Variants in TNNI3K observed in about 807,000 individuals in gnomAD.
The protein encoded by TNNI3K is TNNI3 interacting kinase, also known as serine/threonine-protein kinase TNNI3K.
In TNNI3K, 140 loss-of-function variants were observed where a neutral mutation model predicts 114.5. That is an observed-to-expected ratio of 1.22 (90% CI 1.07 to 1.41). The LOEUF is 1.41. Ranked by LOEUF, TNNI3K falls within the 40% of genes most tolerant of loss-of-function variation. TNNI3K has a pLI of 0.00. For missense variants in TNNI3K, 1,125 were observed against 1,007.6 expected, an observed-to-expected ratio of 1.12 and a Z score of -1.58; for synonymous variants, 347 against 347.5, an observed-to-expected ratio of 1.00 and a Z score of 0.02.
chr1:74,375,930 AC>A (rs2100536377), intron 17 of TNNI3K: 1 of 186,124 alleles, frequency 5.4e-6, no homozygotes, highest in South Asian at 1.1e-4. Context: ...TCTCATACAT[AC>A]AGAGGTTTTT....
intron 20 of TNNI3K, among the ~76,000 whole-genome samples, chr1:74,451,257 G>A (rs1414362613): frequency 6.6e-6 from 1 of 152,046 alleles, no homozygotes; most frequent in Admixed American, 6.6e-5. Context: ...GGAAGGCAGG[G>A]GGAGGGAGAG....
intron 2 of TNNI3K, 97 bp downstream of exon 2, chr1:74,236,307 C>A: frequency 1.0e-6 from 1 of 999,336 alleles, no homozygotes; most frequent in Non-Finnish European, 1.5e-6. Context: ...CGTAGAACCT[C>A]AGACATAAGC....
At chr1:74,472,391 CTT>C (rs1323302794) in intron 21 of TNNI3K, among the ~76,000 whole-genome samples, 1 of 152,142 alleles carries the variant, frequency 6.6e-6, no homozygotes, top group African/African-American at 2.4e-5. Flanking sequence ...CAATGACACT[CTT>C]TATGGTCACA....
intron 5 of TNNI3K, among the ~76,000 whole-genome samples, chr1:74,285,480 G>C (rs1422034097): frequency 6.6e-6 from 1 of 152,084 alleles, no homozygotes; most frequent in Non-Finnish European, 1.5e-5. Flanking sequence ...TCATGAAACT[G>C]TTGGATCCAT....
chr1:74,498,498 A>G (rs187776943), intron 23 of TNNI3K, among the ~76,000 whole-genome samples: 1 of 152,288 alleles, frequency 6.6e-6, no homozygotes. Flanking sequence ...GGTGCCTACA[A>G]TATCTCATTT....
intron 20 of TNNI3K, among the ~76,000 whole-genome samples, chr1:74,452,595 C>A (rs926917149): frequency 6.6e-6 from 1 of 152,148 alleles, no homozygotes. Context: ...TAAATAGTAT[C>A]CTGCCTTCAG....
At chr1:74,531,857 T>A (rs1473685885) in intron 23 of TNNI3K, among the ~76,000 whole-genome samples, 2 of 152,178 alleles carry the variant, frequency 1.3e-5, no homozygotes, top group Admixed American at 1.3e-4. Context: ...ATAGGTAACA[T>A]TGTTATGACA....
chr1:74,485,758 C>T (rs1233984830), intron 21 of TNNI3K, among the ~76,000 whole-genome samples: 6 of 152,146 alleles, frequency 3.9e-5, no homozygotes, highest in Non-Finnish European at 7.3e-5. Flanking sequence ...AGCAAATAGC[C>T]ATGTTGTGAA....
chr1:74,434,308 A>G (rs1482220077), intron 17 of TNNI3K, among the ~76,000 whole-genome samples: 1 of 151,994 alleles, frequency 6.6e-6, no homozygotes, highest in Non-Finnish European at 1.5e-5. Context: ...TTCCTATTGC[A>G]TACTACACAC....
At chr1:74,391,400 G>A (rs191440584) in intron 17 of TNNI3K, among the ~76,000 whole-genome samples, 267 of 152,126 alleles carry the variant, frequency 1.8e-3, no homozygotes, top group African/African-American at 5.9e-3. Context: ...CAATGGATTT[G>A]GTGGGTTTTG....
At chr1:74,491,482 C>T (rs143888622) in intron 22 of TNNI3K, among the ~76,000 whole-genome samples, 10 of 152,178 alleles carry the variant, frequency 6.6e-5, no homozygotes, top group East Asian at 3.9e-4. Context: ...CCTCATGATC[C>T]GCTCACCTCA....
chr1:74,408,992 CA>C (rs34316748), intron 17 of TNNI3K, among the ~76,000 whole-genome samples: 27,910 of 134,142 alleles, frequency 0.21, 3,660 homozygotes, highest in African/African-American at 0.41. Flanking sequence ...CTCCATATAA[CA>C]AAAAAAAAAA....
Position 74,279,779 on chromosome 1 carries a change from G to A in TNNI3K, c.444+8071G>A, listed in dbSNP as rs142632645. 1.2e-4 allele frequency among the ~76,000 whole-genome samples: 19 copies of A among 152,180 alleles called. No individual in the cohort carries two copies. The East Asian group carries it at 3.7e-3, about 29-fold the overall frequency. On this transcript the variant is annotated intron_variant, in intron 5 of 24. Transcript: ENST00000326637. ...TATGCCTAGTACTTCACACATTGTG[G>A]GTGCTCTAAATGTATGTTATCTCTC...
At chr1:74,448,495 C>T (rs1666815654) in intron 20 of TNNI3K, among the ~76,000 whole-genome samples, 1 of 145,942 alleles carries the variant, frequency 6.9e-6, no homozygotes, top group Non-Finnish European at 1.5e-5. Flanking sequence ...ACTTCCAACA[C>T]TATGTTGAAT....
chr1:74,325,599 T>C (rs1004336606), intron 5 of TNNI3K, among the ~76,000 whole-genome samples: 2 of 152,192 alleles, frequency 1.3e-5, no homozygotes, highest in African/African-American at 4.8e-5. Flanking sequence ...AATGGGCAAT[T>C]AGGGGGCCTT....
rs534353086 is a variant in TNNI3K, at chr1:74,402,457, A to G, written c.1772+32065A>G. ...CATTTTTCTCCTATTCTGGAATTAC[A>G]CGGAAGTCTTGAACCATGGCAAGTT... On this transcript the variant is annotated intron_variant, in intron 17 of 24. Coordinates refer to ENST00000326637, the MANE Select transcript of TNNI3K (RefSeq NM_015978.3). Among the ~76,000 whole-genome samples, 7 of 152,336 alleles carry G rather than the reference A, an allele frequency of 4.6e-5. No homozygotes were observed. The South Asian group carries it at 1.2e-3, about 27-fold the overall frequency.
At chr1:74,334,005 A>G (rs1452471741) in intron 6 of TNNI3K, among the ~76,000 whole-genome samples, 1 of 152,204 alleles carries the variant, frequency 6.6e-6, no homozygotes, top group Admixed American at 6.5e-5. Context: ...TAAAATGCAC[A>G]TGCTCCAAGT....
chr1:74,520,822 G>A (rs538097893), intron 23 of TNNI3K, among the ~76,000 whole-genome samples: 10 of 152,102 alleles, frequency 6.6e-5, no homozygotes, highest in South Asian at 2.1e-4. Context: ...GTGTAACAGG[G>A]CTAAGAAGCC....
chr1:74,238,580 T>C (rs1654000479), intron 2 of TNNI3K, among the ~76,000 whole-genome samples: 1 of 152,084 alleles, frequency 6.6e-6, no homozygotes, highest in South Asian at 2.1e-4. Flanking sequence ...AAATGTAAAG[T>C]ATTAGCACAA....
Sources: allele counts gnomAD v4.1 joint callset (sites outside exome capture counted in the v4.1 genomes callset), GRCh38; gene constraint gnomAD v4.1.1; transcripts MANE v1.5; gene names NCBI Gene and HGNC (gene_info 2026-07-23, HGNC 2026-07-21).